Variants in RAPGEF6 observed in about 807,000 individuals in gnomAD.
The protein encoded by RAPGEF6 is Rap guanine nucleotide exchange factor 6, also known as PDZ domain containing guanine nucleotide exchange factor (GEF) 2.
A neutral mutation model predicts 171.4 loss-of-function variants in RAPGEF6; 56 were observed. The ratio of observed to expected loss-of-function variants is 0.33; its 90% CI spans 0.26 to 0.41. RAPGEF6 has a LOEUF of 0.41. Ranked by LOEUF, RAPGEF6 falls within the 10% of genes least tolerant of loss-of-function variation. The probability of loss-of-function intolerance (pLI) is 1.00; values close to 1 mark genes in which losing one functional copy is unlikely to be tolerated. For synonymous variants in RAPGEF6, 692 were observed against 650.1 expected (o/e 1.06, Z -0.98); for missense variants, 1,674 against 1,921.4 (o/e 0.87, Z 2.41).
intron 8 of RAPGEF6, among the ~76,000 whole-genome samples, chr5:131,509,269 C>T (rs886450754): frequency 4.6e-5 from 7 of 152,096 alleles, no homozygotes; most frequent in African/African-American, 1.7e-4. Context: ...CATGGTCAGG[C>T]GTGGTGGCTC....
At position 131,531,947 on chromosome 5, in the gene RAPGEF6, A is replaced by G. The variant is rs561112682; in HGVS notation, c.496-10426T>C. 5.1e-5 allele frequency among the ~76,000 whole-genome samples: 5 copies of G among 98,388 alleles called. No homozygotes were observed. The South Asian group carries it at 2.0e-3, about 40-fold the overall frequency. 64.5% of individuals were successfully genotyped at this position (98,388 alleles called of 152,430 possible). A position where few individuals can be genotyped will look rare whatever the true frequency, so the allele number is the denominator to read the frequency against. On this transcript the variant is annotated intron_variant, in intron 6 of 27. Coordinates refer to ENST00000509018, the MANE Select transcript of RAPGEF6 (RefSeq NM_016340.6). ...TAGAGGTCACGTTAGAATGTTTTAG[A>G]TATTTAAATTAAAAAAAAATGGCAA...
chr5:131,549,363 C>A (rs937271725), intron 5 of RAPGEF6, among the ~76,000 whole-genome samples: 3 of 152,108 alleles, frequency 2.0e-5, no homozygotes, highest in Admixed American at 6.5e-5. Flanking sequence ...CACCCAAACA[C>A]AGTGGTGCCC....
intron 1 of RAPGEF6, among the ~76,000 whole-genome samples, chr5:131,608,712 C>G (rs751786542): frequency 1.3e-5 from 2 of 152,144 alleles, no homozygotes; most frequent in Non-Finnish European, 2.9e-5. Context: ...TAAGTGAGTT[C>G]TCACTCTCAC....
At chr5:131,470,645 C>A (rs771269063) in intron 17 of RAPGEF6, among the ~76,000 whole-genome samples, 1 of 152,164 alleles carries the variant, frequency 6.6e-6, no homozygotes, top group African/African-American at 2.4e-5. Flanking sequence ...GAATGTTCTA[C>A]GTAGTGTGAA....
intron 22 of RAPGEF6, among the ~76,000 whole-genome samples, chr5:131,444,995 G>A (rs1752596388): frequency 2.6e-5 from 4 of 152,162 alleles, no homozygotes. Flanking sequence ...ATAACTGTTA[G>A]CTTTTAAAAA....
intron 7 of RAPGEF6, among the ~76,000 whole-genome samples, chr5:131,514,421 A>T (rs1008588387): frequency 6.6e-6 from 1 of 151,754 alleles, no homozygotes; most frequent in African/African-American, 2.4e-5. Flanking sequence ...TTAGGTAAGA[A>T]TTTTTTTCAA....
At chr5:131,621,159 G>A (rs1765570555) in intron 1 of RAPGEF6, among the ~76,000 whole-genome samples, 1 of 152,128 alleles carries the variant, frequency 6.6e-6, no homozygotes, top group African/African-American at 2.4e-5. Context: ...ATATATAGTT[G>A]TTCCTTGGTA....
At chr5:131,564,471 T>C (rs754463671) in intron 4 of RAPGEF6, among the ~76,000 whole-genome samples, 2 of 152,170 alleles carry the variant, frequency 1.3e-5, no homozygotes, top group African/African-American at 4.8e-5. Context: ...CGCAAATACA[T>C]TTAAAAGATA....
chr5:131,515,805 T>C (rs961898551), intron 7 of RAPGEF6, among the ~76,000 whole-genome samples: 3 of 152,114 alleles, frequency 2.0e-5, no homozygotes, highest in African/African-American at 7.2e-5. Flanking sequence ...ATAACGTACA[T>C]ATGTGATGGG....
chr5:131,570,070 G>C (rs994829420), intron 4 of RAPGEF6, among the ~76,000 whole-genome samples: 2 of 53,574 alleles, frequency 3.7e-5, no homozygotes, highest in African/African-American at 1.2e-4. Context: ...AAAAAAAAAA[G>C]CCAGAGACTG....
At chr5:131,435,332 C>T (rs1204046529) in intron 24 of RAPGEF6, among the ~76,000 whole-genome samples, 1 of 152,072 alleles carries the variant, frequency 6.6e-6, no homozygotes, top group African/African-American at 2.4e-5. Context: ...GCTGATTAGT[C>T]AATTTTTAAG....
chr5:131,434,636 A>G (rs1751911277), intron 24 of RAPGEF6, among the ~76,000 whole-genome samples: 1 of 152,224 alleles, frequency 6.6e-6, no homozygotes, highest in Admixed American at 6.5e-5. Flanking sequence ...AGCTGAGTGG[A>G]TACATGTTTA....
intron 23 of RAPGEF6, 28 bp downstream of exon 23, chr5:131,442,321 G>A (rs778936189): frequency 8.4e-6 from 13 of 1,548,616 alleles, no homozygotes; most frequent in South Asian, 3.6e-5. Flanking sequence ...TCAGGTAAAC[G>A]GATGTAATAT....
intron 22 of RAPGEF6, among the ~76,000 whole-genome samples, chr5:131,442,952 T>C (rs916170412): frequency 8.2e-5 from 7 of 85,246 alleles, no homozygotes; most frequent in East Asian, 8.0e-4. Context: ...AAAACCTGGC[T>C]TTTTTTTTTG....
At chr5:131,514,879 T>A (rs748557607) in intron 7 of RAPGEF6, among the ~76,000 whole-genome samples, 19 of 152,150 alleles carry the variant, frequency 1.2e-4, no homozygotes, top group Admixed American at 3.3e-4. Context: ...CTGGGACATA[T>A]CAGACCCTTA....
At chr5:131,589,184 G>C (rs1272221152) in intron 4 of RAPGEF6, among the ~76,000 whole-genome samples, 1 of 152,188 alleles carries the variant, frequency 6.6e-6, no homozygotes, top group Non-Finnish European at 1.5e-5. Context: ...CAGAACAGCT[G>C]AAGTTTTAGT....
chr5:131,564,164 T>C (rs192470913), intron 4 of RAPGEF6, among the ~76,000 whole-genome samples: 55 of 152,172 alleles, frequency 3.6e-4, no homozygotes, highest in Non-Finnish European at 6.3e-4. Flanking sequence ...GGGGTGTGGA[T>C]GACAGGGGAA....
chr5:131,585,763 G>A (rs1763222103), intron 4 of RAPGEF6, among the ~76,000 whole-genome samples: 1 of 152,072 alleles, frequency 6.6e-6, no homozygotes. Flanking sequence ...GAGGTGGAGG[G>A]TGCAGTGAGC....
chr5:131,507,307 C>T (rs1038100701), intron 9 of RAPGEF6, among the ~76,000 whole-genome samples: 5 of 151,534 alleles, frequency 3.3e-5, no homozygotes, highest in African/African-American at 4.8e-5. Context: ...TACACGTCTC[C>T]TCAGGTTAGA....
Sources: allele counts gnomAD v4.1 joint callset (sites outside exome capture counted in the v4.1 genomes callset), GRCh38; gene constraint gnomAD v4.1.1; transcripts MANE v1.5; gene names NCBI Gene and HGNC (gene_info 2026-07-23, HGNC 2026-07-21).